Variants in MED4 observed in about 807,000 individuals in gnomAD.
The protein encoded by MED4 is mediator of RNA polymerase II transcription subunit 4.
A neutral mutation model predicts 35.0 loss-of-function variants in MED4; 21 were observed. The observed-to-expected ratio is 0.60, with a 90% CI of 0.43 to 0.86. The LOEUF (loss-of-function observed/expected upper bound fraction) is 0.86. Among genes scored for constraint, MED4 ranks in the 40% least tolerant of loss-of-function variants. MED4 has a pLI of 0.00. For synonymous variants in MED4, 138 were observed against 114.0 expected, an observed-to-expected ratio of 1.21 and a Z score of -1.34; for missense variants, 300 against 319.4, an observed-to-expected ratio of 0.94 and a Z score of 0.46.
chr13:48,081,190 T>C (rs1255630878), intron 5 of MED4, among the ~76,000 whole-genome samples: 1 of 152,236 alleles, frequency 6.6e-6, no homozygotes, highest in Non-Finnish European at 1.5e-5. Context: ...TGCTGTCTAA[T>C]TATCCCAGCT....
At chr13:48,079,706 T>A in intron 6 of MED4, 138 bp downstream of exon 6, 1 of 1,032,868 alleles carries the variant, frequency 9.7e-7, no homozygotes, top group African/African-American at 1.6e-5. Flanking sequence ...CTGGGTGACA[T>A]AACAAGACTG....
intron 6 of MED4, 145 bp downstream of exon 6, chr13:48,079,699 G>C: frequency 1.1e-6 from 1 of 908,786 alleles, no homozygotes. Context: ...CTCCAGCCTG[G>C]GTGACATAAC....
At chr13:48,079,771 C>G in intron 6 of MED4, 73 bp downstream of exon 6, 1 of 1,528,472 alleles carries the variant, frequency 6.5e-7, no homozygotes, top group Non-Finnish European at 8.8e-7. Flanking sequence ...CTTGCTTTAC[C>G]GCCAGATATT....
Position 48,095,084 on chromosome 13 carries a change from C to T in MED4, c.-6G>A. ...CCACTCGAAGACGCAGCCATTTTCCCCAGAGTCCCGCCACCGGCGCACGCG... is the reference window on the plus strand; with the variant it reads ...CCACTCGAAGACGCAGCCATTTTCCTCAGAGTCCCGCCACCGGCGCACGCG... On this transcript the variant is annotated 5_prime_UTR_variant, in exon 1 of 7. Coordinates refer to ENST00000258648, the MANE Select transcript of MED4 (RefSeq NM_014166.4). 6.2e-7 allele frequency: 1 copy of T among 1,602,294 alleles called. No individual in the cohort carries two copies.
In MED4 at chr13:48,090,363, C is replaced by T. The variant is rs147228955; in HGVS notation, c.181G>A (p.Glu61Lys). ...SRNQKLLQAGEENQVLELLIH... is the reference protein window; with the variant it reads ...SRNQKLLQAGKENQVLELLIH... ...AAGAAGCCACTTACCTGGTTTTCCT[C>T]TCCAGCCTGTAACAACTTTTGGTTT... The change falls in exon 2 of 7, where the codon GAG (glutamate) becomes AAG (lysine). Residue 61 changes from glutamate (E) to lysine (K), a missense_variant. Transcript: ENST00000258648. 920 of 1,592,912 alleles carry T rather than the reference C, an allele frequency of 5.8e-4. 1 individual carries two copies. Among genetic ancestry groups the T allele is most frequent in the Admixed American group, 9.4e-4 (52 of 55,448 alleles).
rs1684466416 is a variant in MED4, at chr13:48,077,081, C to T, written c.*58G>A. ...ACCTGTAGTTTACATTTCCCTGCTA[C>T]TGTTAAAGAAACAGAATTCTACAGT... On this transcript the variant is annotated 3_prime_UTR_variant, in exon 7 of 7. Coordinates refer to ENST00000258648, the MANE Select transcript of MED4 (RefSeq NM_014166.4). 1.4e-6 allele frequency: 2 copies of T among 1,417,366 alleles called. No homozygotes were observed. The highest frequency in any genetic ancestry group is 5.2e-5 in the East Asian group (2 of 38,514). 87.8% of individuals were successfully genotyped at this position (1,417,366 alleles called of 1,614,324 possible).
chr13:48,093,485 G>C (rs1456565526), intron 1 of MED4: 2 of 361,802 alleles, frequency 5.5e-6, no homozygotes, highest in Admixed American at 3.7e-5. Context: ...ATGCAAGCCA[G>C]ACACAAATTA....
At chr13:48,086,488 C>A (rs1416077140) in intron 2 of MED4, 36 bp from the exon 3 acceptor site, 1 of 1,583,452 alleles carries the variant, frequency 6.3e-7, no homozygotes, top group Non-Finnish European at 8.6e-7. Flanking sequence ...AGACAATAGA[C>A]TACTGAAAGG....
chr13:48,092,920 G>A (rs1331485358), intron 1 of MED4, among the ~76,000 whole-genome samples: 1 of 152,138 alleles, frequency 6.6e-6, no homozygotes, highest in Admixed American at 6.5e-5. Flanking sequence ...CTTGCCTTAG[G>A]CGCCGGAGTA....
chr13:48,085,170 A>C (rs1005664108), intron 3 of MED4, among the ~76,000 whole-genome samples: 1 of 139,366 alleles, frequency 7.2e-6, no homozygotes, highest in African/African-American at 3.0e-5. Flanking sequence ...TGCCCAGCTA[A>C]TTTTTTTTTT....
chr13:48,089,185 T>C (rs1381664410), intron 2 of MED4, among the ~76,000 whole-genome samples: 4 of 346 alleles, frequency 0.012, no homozygotes, highest in Admixed American at 0.11. Flanking sequence ...CTCTTTCTTT[T>C]TTGAAAAAAA....
Position 48,076,960 on chromosome 13 carries a change from T to G in MED4, c.*179A>C. ...CTACCTAGTGGCTTAAAACTAAAAC[T>G]ATGGTCTTTGGCTTTAAAAAGAAAG... On this transcript the variant is annotated 3_prime_UTR_variant, in exon 7 of 7. Transcript: ENST00000258648. The G allele has an allele frequency of 2.0e-6, 1 of 505,920 alleles. No individual in the cohort carries two copies. The highest frequency in any genetic ancestry group is 3.4e-6 in the Non-Finnish European group (1 of 295,840). The allele number at this position is 505,920 out of a possible 1,614,324, so 31.3% of individuals were successfully genotyped here.
intron 1 of MED4, 39 bp downstream of exon 1, chr13:48,094,915 G>T: frequency 6.3e-7 from 1 of 1,593,684 alleles, no homozygotes. Context: ...TCAGTCCCCC[G>T]GCCCAGCTCC....
chr13:48,091,669 C>A (rs970354492), intron 1 of MED4, among the ~76,000 whole-genome samples: 1 of 152,146 alleles, frequency 6.6e-6, no homozygotes, highest in Admixed American at 6.6e-5. Context: ...CTATCATGTG[C>A]CAGGCACTTT....
In MED4 at chr13:48,095,047, T is replaced by C; in HGVS notation, c.32A>G (p.Lys11Arg). The C allele has an allele frequency of 6.2e-7, 1 of 1,605,852 alleles. No individual in the cohort carries two copies. The highest frequency in any genetic ancestry group is 8.5e-7 in the Non-Finnish European group (1 of 1,179,884). MAASSSGEKEKERLGGGLGVA... is the reference protein window; with the variant it reads MAASSSGEKERERLGGGLGVA... ...TCCCAAACCGCCTCCCAGCCGCTCCTTCTCCTTCTCACCACTCGAAGACGC... is the reference window on the plus strand; with the variant it reads ...TCCCAAACCGCCTCCCAGCCGCTCCCTCTCCTTCTCACCACTCGAAGACGC... The change falls in exon 1 of 7, where the codon AAG becomes AGG. Residue 11 changes from lysine (K) to arginine (R), a missense_variant. Lys to Arg is a conservative substitution (Grantham distance 26). Transcript: ENST00000258648.
chr13:48,094,894 C>G (rs1950917386), intron 1 of MED4, 60 bp downstream of exon 1: 2 of 1,580,798 alleles, frequency 1.3e-6, no homozygotes, highest in Admixed American at 3.4e-5. Context: ...CAGGGCCGGC[C>G]GGCTCCGGGG....
Position 48,075,895 on chromosome 13 carries a change from T to C in MED4, c.*1244A>G, listed in dbSNP as rs1384822309. On this transcript the variant is annotated 3_prime_UTR_variant, in exon 7 of 7. Coordinates refer to ENST00000258648, the MANE Select transcript of MED4 (RefSeq NM_014166.4). ...TCCTTAATTCTAGATGGTGAAAATA[T>C]AAGATTAATCTCCTATTTTCCAATT... 1 of 152,082 alleles carries C rather than the reference T, an allele frequency of 6.6e-6. No individual in the cohort carries two copies. The highest frequency in any genetic ancestry group is 6.5e-5 in the Admixed American group (1 of 15,276). The allele number at this position is 152,082 out of a possible 1,614,324, so 9.4% of individuals were successfully genotyped here.
chr13:48,092,405 C>A (rs764191926), intron 1 of MED4, among the ~76,000 whole-genome samples: 72 of 152,348 alleles, frequency 4.7e-4, no homozygotes, highest in Admixed American at 6.5e-4. Flanking sequence ...AGCCACTGCG[C>A]CCGGCCTAGT....
At chr13:48,083,073 C>G (rs1356802391) in intron 4 of MED4, among the ~76,000 whole-genome samples, 1 of 152,220 alleles carries the variant, frequency 6.6e-6, no homozygotes, top group Non-Finnish European at 1.5e-5. Context: ...CACTTCTAAC[C>G]CATACTTCTC....
Sources: allele counts gnomAD v4.1 joint callset (sites outside exome capture counted in the v4.1 genomes callset), GRCh38; gene constraint gnomAD v4.1.1; transcripts MANE v1.5; gene names NCBI Gene and HGNC (gene_info 2026-07-23, HGNC 2026-07-21).